CFAP251: variants seen among roughly 807,000 people sequenced by gnomAD.
CFAP251 encodes cilia and flagella associated protein 251.
Under a neutral mutation model 126.7 loss-of-function variants are expected in CFAP251, and 93 were observed. That is an observed-to-expected ratio of 0.73 (90% CI 0.62 to 0.87). CFAP251 has a LOEUF of 0.87. Ranked by LOEUF, CFAP251 falls within the 40% of genes least tolerant of loss-of-function variation. The pLI, the probability that CFAP251 is intolerant of heterozygous loss-of-function variation, is 0.00. For missense variants in CFAP251, 1,287 were observed against 1,389.2 expected (o/e 0.93, Z 1.17); for synonymous variants, 503 against 506.9 (o/e 0.99, Z 0.10).
In CFAP251 at chr12:121,962,956, A is replaced by G. The variant is rs114792582; in HGVS notation, c.2492+794A>G. ...GGAATGGGCAAGGAGGGGGCATGGG[A>G]GAGCAGGTCAGAGGTACGGGCTGGT... On this transcript the variant is annotated intron_variant, in intron 15 of 21. Transcript: ENST00000288912. Among the ~76,000 whole-genome samples, 781 of 152,254 alleles carry G rather than the reference A, an allele frequency of 5.1e-3. 9 individuals are homozygous for G. The highest frequency in any genetic ancestry group is 0.018 in the African/African-American group (739 of 41,562).
At chr12:121,924,426 CTTTTTTTT>C (rs59759704) in intron 3 of CFAP251, among the ~76,000 whole-genome samples, 26 of 90,282 alleles carry the variant, frequency 2.9e-4, no homozygotes, top group Admixed American at 6.2e-4. Flanking sequence ...AGACTTGTGT[CTTTTTTTT>C]TTTTTTTTTT....
intron 17 of CFAP251, chr12:121,971,664 G>A (rs1882331398): frequency 2.8e-6 from 2 of 702,102 alleles, no homozygotes; most frequent in South Asian, 1.5e-5. Flanking sequence ...GTGGAGCTGG[G>A]ATTCACAGCC....
intron 16 of CFAP251, 30 bp downstream of exon 16, chr12:121,967,099 AGTT>A: frequency 6.3e-7 from 1 of 1,587,182 alleles, no homozygotes; most frequent in Non-Finnish European, 8.7e-7. Flanking sequence ...CAGTTCTGGG[AGTT>A]GACTCTGTGT....
chr12:121,929,952 A>C (rs1431825814), intron 3 of CFAP251, among the ~76,000 whole-genome samples: 3 of 152,096 alleles, frequency 2.0e-5, no homozygotes, highest in Admixed American at 2.0e-4. Context: ...TGTTGGGATT[A>C]CAGGCGTGAG....
intron 19 of CFAP251, among the ~76,000 whole-genome samples, chr12:121,988,357 C>CAA (rs1378868128): frequency 6.6e-6 from 1 of 152,124 alleles, no homozygotes; most frequent in Non-Finnish European, 1.5e-5. Context: ...TTTATCATCC[C>CAA]AAAAAGAAAC....
chr12:121,935,871 G>A (rs1880875835), intron 5 of CFAP251, among the ~76,000 whole-genome samples: 1 of 152,190 alleles, frequency 6.6e-6, no homozygotes, highest in African/African-American at 2.4e-5. Flanking sequence ...CCCGGCTGGA[G>A]GCAGACTGAA....
chr12:121,942,781 G>A, intron 6 of CFAP251, 114 bp from the exon 7 acceptor site: 3 of 1,311,878 alleles, frequency 2.3e-6, no homozygotes, highest in South Asian at 1.2e-5. Flanking sequence ...ACAGCACAGA[G>A]TCTGGGCCTC....
chr12:121,968,196 A>T (rs1207708126), intron 17 of CFAP251, 27 bp downstream of exon 17: 4 of 1,579,528 alleles, frequency 2.5e-6, no homozygotes, highest in African/African-American at 1.4e-5. Context: ...GAAGGAAGGT[A>T]TCAAGTGTAA....
intron 7 of CFAP251, among the ~76,000 whole-genome samples, chr12:121,943,181 C>T (rs916621518): frequency 1.3e-5 from 2 of 151,826 alleles, no homozygotes; most frequent in Admixed American, 6.6e-5. Flanking sequence ...GGTGTGGTGG[C>T]ACATGCCTAT....
At chr12:121,961,192 A>G (rs1156637785) in intron 14 of CFAP251, among the ~76,000 whole-genome samples, 2 of 152,180 alleles carry the variant, frequency 1.3e-5, no homozygotes, top group Non-Finnish European at 2.9e-5. Context: ...TTACAGAGTC[A>G]GGTGAAATGG....
At chr12:121,939,378 C>T (rs1243667249) in intron 5 of CFAP251, among the ~76,000 whole-genome samples, 1 of 152,090 alleles carries the variant, frequency 6.6e-6, no homozygotes, top group Non-Finnish European at 1.5e-5. Context: ...ACTGGCACAT[C>T]CAACTTAACC....
Position 121,975,247 on chromosome 12 carries a change from C to T in CFAP251, c.2775C>T (p.Val925=). 1 of 1,613,700 alleles carries T rather than the reference C, an allele frequency of 6.2e-7. No homozygotes were observed. Among genetic ancestry groups the T allele is most frequent in the South Asian group, 1.1e-5 (1 of 91,044 alleles). Reference sequence around the variant, plus strand: ...GACATTTCTGTTGTTGTTCCAGTGTCCTGGAGGCAGCGGTTTCTCTTGGGG... The same window carrying T: ...GACATTTCTGTTGTTGTTCCAGTGTTCTGGAGGCAGCGGTTTCTCTTGGGG... ...SVVQWKITLS[V]LEAAVSLGGE... is the part of the protein sequence containing the mutation. Residue 925 remains valine, a synonymous_variant, in exon 18 of 22, where the codon GTC becomes GTT. Coordinates refer to ENST00000288912, the MANE Select transcript of CFAP251 (RefSeq NM_144668.6).
intron 1 of CFAP251, 131 bp from the exon 2 acceptor site, chr12:121,921,155 A>G (rs2004863): frequency 3.7e-6 from 4 of 1,076,992 alleles, no homozygotes; most frequent in Non-Finnish European, 5.1e-6. Context: ...GGTCAGAAAC[A>G]TGACATTCTT....
chr12:121,990,907 G>C (rs1565924383), intron 19 of CFAP251, among the ~76,000 whole-genome samples: 1 of 152,118 alleles, frequency 6.6e-6, no homozygotes, highest in Non-Finnish European at 1.5e-5. Context: ...TCTTCACATG[G>C]CCCAGACCTT....
chr12:121,924,039 G>A lies in CFAP251; in HGVS notation c.747+49G>A, dbSNP rs758669439. ...CCCCCAGTGCTTTTGAGAGTGTTGC[G>A]CAATAGGGGAATTTTATGCATGTTG... is the stretch of plus-strand genomic sequence containing the variant. On this transcript the variant is annotated intron_variant, in intron 3 of 21. Transcript: ENST00000288912. 4.3e-5 allele frequency: 65 copies of A among 1,524,218 alleles called. No individual in the cohort carries two copies. In the South Asian group the frequency reaches 5.4e-4, roughly 13 times the overall value. 94.4% of individuals were successfully genotyped at this position (1,524,218 alleles called of 1,614,324 possible). A position where few individuals can be genotyped will look rare whatever the true frequency, so the allele number is the denominator to read the frequency against.
chr12:121,928,630 A>G (rs964642250), intron 3 of CFAP251, among the ~76,000 whole-genome samples: 8 of 23,880 alleles, frequency 3.4e-4, no homozygotes, highest in African/African-American at 2.8e-3. Flanking sequence ...ATATGTGTAT[A>G]TATATACGTA....
In CFAP251 at chr12:121,951,462, AT is replaced by A; in HGVS notation, c.1270-12del. 2.0e-6 allele frequency: 3 copies of A among 1,518,316 alleles called. No individual in the cohort carries two copies. Among genetic ancestry groups the A allele is most frequent in the African/African-American group, 1.4e-5 (1 of 73,724 alleles). 94.1% of individuals were successfully genotyped at this position (1,518,316 alleles called of 1,614,324 possible). A position where few individuals can be genotyped will look rare whatever the true frequency, so the allele number is the denominator to read the frequency against. ...AACTGGGTCTTTTTGAGTAGTGATT[AT>A]TTTTTCCTCTTATCAGTATGAAGAG... On this transcript the variant is annotated splice_polypyrimidine_tract_variant and intron_variant, in intron 8 of 21. Transcript: ENST00000288912.
rs572850644 is a variant in CFAP251 at position 121,958,825 on chromosome 12, G to A, written c.1982-118G>A. 156 of 1,265,408 alleles carry A rather than the reference G, an allele frequency of 1.2e-4. No homozygotes were observed. In the Middle Eastern group the frequency reaches 3.4e-3, roughly 27 times the overall value. 78.4% of individuals were successfully genotyped at this position (1,265,408 alleles called of 1,614,324 possible). On this transcript the variant is annotated intron_variant, in intron 12 of 21. Transcript: ENST00000288912. ...CGCGTTTCGGTTCATTTCTCCGCAC[G>A]GGAGCTTTGTTGTGTTAGTTGCTGT...
intron 5 of CFAP251, among the ~76,000 whole-genome samples, chr12:121,936,711 G>C (rs1880908932): frequency 6.6e-6 from 1 of 152,114 alleles, no homozygotes; most frequent in East Asian, 1.9e-4. Flanking sequence ...CCAAATGAAG[G>C]GAAGGAGCTG....
Sources: gnomAD v4.1 joint callset for allele counts (sites outside exome capture counted in the v4.1 genomes callset) on GRCh38, gnomAD v4.1.1 for gene constraint, MANE v1.5 for transcripts, NCBI Gene and HGNC (gene_info 2026-07-23, HGNC 2026-07-21) for gene names.